The following NFIL3 variants were observed in gnomAD, a reference collection of about 807,000 sequenced individuals.
The protein encoded by NFIL3 is nuclear factor, interleukin 3 regulated, also known as nuclear factor interleukin-3-regulated protein.
Under a neutral mutation model 10.0 loss-of-function variants are expected in NFIL3, and 5 were observed. That is an observed-to-expected ratio of 0.50 (90% CI 0.26 to 1.06). The LOEUF (loss-of-function observed/expected upper bound fraction) is 1.06. Ranked by LOEUF, NFIL3 falls within the 50% of genes least tolerant of loss-of-function variation. The probability of loss-of-function intolerance (pLI) is 0.13; values close to 1 mark genes in which losing one functional copy is unlikely to be tolerated. For synonymous variants in NFIL3, 202 were observed against 206.5 expected (o/e 0.98, Z 0.19); for missense variants, 436 against 547.6 (o/e 0.80, Z 2.03).
chr9:91,429,067 A>G, the NFIL3 span, among the ~76,000 whole-genome samples: 9 of 152,356 alleles, frequency 5.9e-5, no homozygotes, highest in South Asian at 1.9e-3. Context: ...GAAATAGAAA[A>G]TTGTGAAATA....
the NFIL3 span, among the ~76,000 whole-genome samples, chr9:91,469,640 G>C: frequency 9.2e-5 from 14 of 151,962 alleles, no homozygotes; most frequent in African/African-American, 3.1e-4. Context: ...CAGTTTTTGC[G>C]CATTCAGTAT....
the NFIL3 span, among the ~76,000 whole-genome samples, chr9:91,480,701 A>G: frequency 1.3e-5 from 2 of 152,260 alleles, no homozygotes; most frequent in Non-Finnish European, 2.9e-5. Flanking sequence ...CTACACAAAA[A>G]TTGAAATCTA....
At chr9:91,452,981 A>G in the NFIL3 span, among the ~76,000 whole-genome samples, 1 of 151,872 alleles carries the variant, frequency 6.6e-6, no homozygotes, top group Non-Finnish European at 1.5e-5. Flanking sequence ...ACCTGCACTA[A>G]TTTTCTAGGG....
chr9:91,432,257 A>G, the NFIL3 span, among the ~76,000 whole-genome samples: 4 of 152,188 alleles, frequency 2.6e-5, no homozygotes, highest in East Asian at 7.7e-4. Context: ...GATGTCCCAA[A>G]TCCCAGCCAC....
the NFIL3 span, among the ~76,000 whole-genome samples, chr9:91,455,634 G>A: frequency 1.5e-4 from 23 of 152,104 alleles, no homozygotes; most frequent in African/African-American, 5.5e-4. Flanking sequence ...ATTGATAGTT[G>A]ACAAAAAGGT....
At chr9:91,443,960 C>A in the NFIL3 span, among the ~76,000 whole-genome samples, 1 of 152,222 alleles carries the variant, frequency 6.6e-6, no homozygotes, top group African/African-American at 2.4e-5. Context: ...TGAATCTAGA[C>A]ATTAATATCT....
intron 1 of NFIL3, among the ~76,000 whole-genome samples, chr9:91,419,115 G>T (rs1833711890): frequency 6.6e-6 from 1 of 152,060 alleles, no homozygotes; most frequent in East Asian, 1.9e-4. Flanking sequence ...AACAAGAAAT[G>T]AATATTAAAG....
At chr9:91,434,352 T>C in the NFIL3 span, among the ~76,000 whole-genome samples, 3 of 152,160 alleles carry the variant, frequency 2.0e-5, no homozygotes, top group Non-Finnish European at 4.4e-5. Flanking sequence ...TCAGATTGCA[T>C]GGGAGTAGAA....
Position 91,410,602 on chromosome 9 carries a change from GCTC to G in NFIL3, c.130_132del (p.Glu44del). Reference sequence around the variant, plus strand: ...CCCACACTTCCTTCACTGAGAAGCAGCTCCTCACCTGTTGTGGAGTCTTCTGAC... The same window carrying G: ...CCCACACTTCCTTCACTGAGAAGCAGCTCACCTGTTGTGGAGTCTTCTGAC... On this transcript the variant is annotated inframe_deletion, in exon 2 of 2. Coordinates refer to ENST00000297689, the MANE Select transcript of NFIL3 (RefSeq NM_005384.3). This position sits in a 1 kb window ranked among gnomAD's most constrained non-coding sequence, Gnocchi z 5.7. 6.2e-7 allele frequency: 1 copy of G among 1,614,214 alleles called. No individual in the cohort carries two copies. Among genetic ancestry groups the G allele is most frequent in the Non-Finnish European group, 8.5e-7 (1 of 1,180,030 alleles).
chr9:91,438,252 G>C, the NFIL3 span, among the ~76,000 whole-genome samples: 1 of 152,104 alleles, frequency 6.6e-6, no homozygotes, highest in Non-Finnish European at 1.5e-5. Flanking sequence ...CGTGTTTCCT[G>C]ATGATTAACT....
At chr9:91,442,574 G>C in the NFIL3 span, among the ~76,000 whole-genome samples, 1 of 152,208 alleles carries the variant, frequency 6.6e-6, no homozygotes, top group Non-Finnish European at 1.5e-5. Context: ...GGGTGAGCAA[G>C]TGCAGGATCT....
the NFIL3 span, among the ~76,000 whole-genome samples, chr9:91,470,664 T>C: frequency 6.6e-6 from 1 of 152,240 alleles, no homozygotes; most frequent in Non-Finnish European, 1.5e-5. Context: ...TTTAGTGCTA[T>C]AAATTTCCCT....
At chr9:91,413,715 A>T (rs1833600164) in intron 1 of NFIL3, among the ~76,000 whole-genome samples, 1 of 152,200 alleles carries the variant, frequency 6.6e-6, no homozygotes, top group Non-Finnish European at 1.5e-5. Context: ...AAAGAGGAAG[A>T]TATCCCAGTT....
the NFIL3 span, among the ~76,000 whole-genome samples, chr9:91,463,999 C>T: frequency 6.6e-6 from 1 of 152,020 alleles, no homozygotes; most frequent in South Asian, 2.1e-4. Flanking sequence ...TATGGTATAT[C>T]ATTCCCCATC....
chr9:91,468,612 C>T, the NFIL3 span, among the ~76,000 whole-genome samples: 1 of 152,142 alleles, frequency 6.6e-6, no homozygotes. Flanking sequence ...AGTCCTTGCC[C>T]ATGCCTATGT....
chr9:91,420,853 C>T (rs1396253601), intron 1 of NFIL3, among the ~76,000 whole-genome samples: 2 of 151,942 alleles, frequency 1.3e-5, no homozygotes, highest in Admixed American at 6.6e-5. Context: ...TTATTTTGAA[C>T]TCTGGAGATC....
chr9:91,469,420 G>T, the NFIL3 span, among the ~76,000 whole-genome samples: 2 of 152,158 alleles, frequency 1.3e-5, no homozygotes, highest in Admixed American at 1.3e-4. Flanking sequence ...TCAGCTTAAG[G>T]AGGTTTTGGG....
At chr9:91,419,827 T>C (rs1833725036) in intron 1 of NFIL3, among the ~76,000 whole-genome samples, 1 of 152,226 alleles carries the variant, frequency 6.6e-6, no homozygotes, top group Non-Finnish European at 1.5e-5. Flanking sequence ...CCCTGACCTA[T>C]GTCGCAAGTG....
chr9:91,409,906 T>C lies in NFIL3; in HGVS notation c.829A>G (p.Thr277Ala), dbSNP rs749708607. ...GACTTTCCTACCACACCATCATCAG[T>C]TTCCGACGTTCTCGGGGAGTTGCTG... is the stretch of plus-strand genomic sequence containing the variant. ...SSSNSPRTSE[T>A]DDGVVGKSSD... Residue 277 changes from threonine to alanine, a missense_variant, in exon 2 of 2, where the codon ACT becomes GCT. Coordinates refer to ENST00000297689, the MANE Select transcript of NFIL3 (RefSeq NM_005384.3). 3 of 1,613,982 alleles carry C rather than the reference T, an allele frequency of 1.9e-6. No homozygotes were observed. The highest frequency in any genetic ancestry group is 2.2e-5 in the East Asian group (1 of 44,876).
Sources: allele counts gnomAD v4.1 joint callset (sites outside exome capture counted in the v4.1 genomes callset), GRCh38; gene constraint gnomAD v4.1.1; non-coding constraint Gnocchi (gnomAD v3.1); transcripts MANE v1.5; gene names NCBI Gene and HGNC (gene_info 2026-07-23, HGNC 2026-07-21).